The following STOX2 variants were observed in gnomAD, a reference collection of about 807,000 sequenced individuals.
The protein encoded by STOX2 is storkhead-box protein 2.
In STOX2, 28 loss-of-function variants were observed where a neutral mutation model predicts 60.9. The observed-to-expected ratio is 0.46, with a 90% CI of 0.34 to 0.63. STOX2 has a LOEUF of 0.63. STOX2 is among the 30% of genes least tolerant of loss of function. The probability of loss-of-function intolerance (pLI) is 0.01; values close to 1 mark genes in which losing one functional copy is unlikely to be tolerated. For synonymous variants in STOX2, 472 were observed against 463.9 expected (o/e 1.02, Z -0.22); for missense variants, 1,024 against 1,187.7 (o/e 0.86, Z 2.03).
intron 1 of STOX2, among the ~76,000 whole-genome samples, chr4:183,915,181 C>T (rs957515408): frequency 1.3e-5 from 2 of 152,156 alleles, no homozygotes; most frequent in Non-Finnish European, 2.9e-5. Context: ...TGTGGGCAGT[C>T]GGGGTAGCAG....
intron 1 of STOX2, among the ~76,000 whole-genome samples, chr4:183,959,225 T>G (rs13434789): frequency 0.035 from 5,373 of 152,258 alleles, 327 homozygotes; most frequent in African/African-American, 0.12. Flanking sequence ...TCTACTCTGT[T>G]AAATGTGTTA....
chr4:183,997,277 C>G (rs1334780536), intron 1 of STOX2, among the ~76,000 whole-genome samples: 1 of 152,210 alleles, frequency 6.6e-6, no homozygotes, highest in African/African-American at 2.4e-5. Context: ...CAAGGAGCAT[C>G]CCAGGCCAAG....
chr4:183,854,790 T>A (rs1273083188), intron 1 of STOX2, among the ~76,000 whole-genome samples: 1 of 152,222 alleles, frequency 6.6e-6, no homozygotes, highest in African/African-American at 2.4e-5. Flanking sequence ...ATTGGAGAAG[T>A]CAGCCAATTA....
At chr4:183,829,338 C>A (rs1163286692) in intron 1 of STOX2, among the ~76,000 whole-genome samples, 4 of 152,188 alleles carry the variant, frequency 2.6e-5, no homozygotes, top group Non-Finnish European at 5.9e-5. Context: ...GCAGTAGTAG[C>A]AGAAAGAAAA....
At chr4:183,957,444 C>T (rs573150491) in intron 1 of STOX2, among the ~76,000 whole-genome samples, 1 of 152,066 alleles carries the variant, frequency 6.6e-6, no homozygotes, top group South Asian at 2.1e-4. Flanking sequence ...TATTCGAATT[C>T]GATAGTTTCT....
chr4:183,851,270 A>G, intron 1 of STOX2, among the ~76,000 whole-genome samples: 1 of 78,064 alleles, frequency 1.3e-5, no homozygotes, highest in African/African-American at 4.7e-5. Flanking sequence ...AGGATGAGAG[A>G]AACGATGAGG....
chr4:183,835,637 T>C (rs1739689685), intron 1 of STOX2, among the ~76,000 whole-genome samples: 1 of 152,168 alleles, frequency 6.6e-6, no homozygotes, highest in Non-Finnish European at 1.5e-5. Context: ...GTTCCTCACA[T>C]TGTTACTGGA....
At chr4:183,963,510 T>TC (rs1194172774) in intron 1 of STOX2, among the ~76,000 whole-genome samples, 2 of 151,592 alleles carry the variant, frequency 1.3e-5, no homozygotes, top group African/African-American at 4.8e-5. Flanking sequence ...CACTGTAAAC[T>TC]CTGCCTCCTG....
intron 1 of STOX2, among the ~76,000 whole-genome samples, chr4:183,913,995 A>G (rs557983807): frequency 1.7e-4 from 26 of 152,336 alleles, no homozygotes; most frequent in Admixed American, 5.9e-4. Flanking sequence ...CGATAATTAT[A>G]TATTTTTTCT....
intron 1 of STOX2, among the ~76,000 whole-genome samples, chr4:183,831,823 C>T (rs989967635): frequency 5.3e-5 from 8 of 152,046 alleles, no homozygotes; most frequent in Non-Finnish European, 1.2e-4. Context: ...GTCTAGGTGG[C>T]TGTAAACACG....
At chr4:183,841,178 A>AGTATCTAT (rs1358080723) in intron 1 of STOX2, among the ~76,000 whole-genome samples, 1 of 137,508 alleles carries the variant, frequency 7.3e-6, no homozygotes, top group Non-Finnish European at 1.6e-5. Context: ...TTTTCATCGT[A>AGTATCTAT]GTATTTATTT....
intron 1 of STOX2, among the ~76,000 whole-genome samples, chr4:183,841,206 T>TTTA (rs1739854704): frequency 6.6e-6 from 1 of 150,922 alleles, no homozygotes; most frequent in Non-Finnish European, 1.5e-5. Context: ...TATTTATTTA[T>TTTA]TTATTTATTT....
Position 184,019,921 on chromosome 4 carries a change from A to G in STOX2, c.*2637A>G, listed in dbSNP as rs1006935012. On this transcript the variant is annotated 3_prime_UTR_variant, in exon 4 of 4. Transcript: ENST00000308497. ...AGTATCCCTTTCCTCCTGTAAAATCATAGCTTTGTGTTACACGACTGCTTA... is the reference window on the plus strand; with the variant it reads ...AGTATCCCTTTCCTCCTGTAAAATCGTAGCTTTGTGTTACACGACTGCTTA... 1 of 152,190 alleles carries G rather than the reference A, an allele frequency of 6.6e-6. No homozygotes were observed. The highest frequency in any genetic ancestry group is 2.4e-5 in the African/African-American group (1 of 41,448). The allele number at this position is 152,190 out of a possible 1,614,324, so 9.4% of individuals were successfully genotyped here.
At chr4:183,948,948 GA>G (rs1560899092) in intron 1 of STOX2, among the ~76,000 whole-genome samples, 1 of 152,132 alleles carries the variant, frequency 6.6e-6, no homozygotes, top group Non-Finnish European at 1.5e-5. Context: ...GCAAATCTTA[GA>G]TCTTTCTTTC....
intron 1 of STOX2, among the ~76,000 whole-genome samples, chr4:183,969,726 C>T (rs1436693832): frequency 6.6e-6 from 1 of 152,080 alleles, no homozygotes; most frequent in Non-Finnish European, 1.5e-5. Flanking sequence ...CTCAAGTCAT[C>T]CCTCCACCTC....
chr4:183,982,975 C>T (rs1218939843), intron 1 of STOX2, among the ~76,000 whole-genome samples: 2 of 152,164 alleles, frequency 1.3e-5, no homozygotes, highest in Non-Finnish European at 2.9e-5. Context: ...TGCCATTCTC[C>T]AGGTATTTAA....
chr4:183,874,994 A>ATAT (rs1560857959), intron 1 of STOX2, among the ~76,000 whole-genome samples: 19 of 99,716 alleles, frequency 1.9e-4, no homozygotes, highest in African/African-American at 6.9e-4. Flanking sequence ...TATATATATA[A>ATAT]AACTTAGAAT....
At chr4:183,891,295 AATATATATAT>A (rs33925686) in intron 1 of STOX2, among the ~76,000 whole-genome samples, 2 of 8,388 alleles carry the variant, frequency 2.4e-4, no homozygotes, top group South Asian at 4.1e-3. Context: ...TATATGATGG[AATATATATAT>A]ATATCTATGA....
At chr4:183,954,435 C>G (rs1325040190) in intron 1 of STOX2, among the ~76,000 whole-genome samples, 1 of 151,012 alleles carries the variant, frequency 6.6e-6, no homozygotes, top group Non-Finnish European at 1.5e-5. Context: ...ATTACAGGCG[C>G]CCACCACCAT....
Sources: gnomAD v4.1 joint callset for allele counts (sites outside exome capture counted in the v4.1 genomes callset) on GRCh38, gnomAD v4.1.1 for gene constraint, MANE v1.5 for transcripts, NCBI Gene and HGNC (gene_info 2026-07-23, HGNC 2026-07-21) for gene names.